Variants in RAP1A observed in about 807,000 individuals in gnomAD.
The protein encoded by RAP1A is RAP1A, member of RAS oncogene family.
A neutral mutation model predicts 26.4 loss-of-function variants in RAP1A; 6 were observed. The observed-to-expected ratio is 0.23, with a 90% CI of 0.12 to 0.45. The LOEUF (loss-of-function observed/expected upper bound fraction) is 0.45, where lower values mean the gene tolerates loss of function less well. RAP1A is among the 20% of genes least tolerant of loss of function. The pLI, the probability that RAP1A is intolerant of heterozygous loss-of-function variation, is 0.99. For missense variants in RAP1A, 121 were observed against 217.2 expected, an observed-to-expected ratio of 0.56 and a Z score of 2.78; for synonymous variants, 73 against 79.4, an observed-to-expected ratio of 0.92 and a Z score of 0.43.
intron 1 of RAP1A, among the ~76,000 whole-genome samples, chr1:111,667,642 A>G (rs1198516015): frequency 1.3e-5 from 2 of 151,762 alleles, no homozygotes; most frequent in Non-Finnish European, 2.9e-5. Context: ...AGATCGCGCC[A>G]TCACACTCCA....
intron 6 of RAP1A, 43 bp downstream of exon 6, chr1:111,704,529 G>T (rs373517315): frequency 1.3e-6 from 2 of 1,533,250 alleles, no homozygotes; most frequent in Non-Finnish European, 8.8e-7. Context: ...TGCCTTTTTA[G>T]TTTGCTTTAA....
Position 111,712,620 on chromosome 1 carries a change from ATTTC to A in RAP1A, c.*221_*224del, listed in dbSNP as rs1662419111. The A allele has an allele frequency of 6.6e-6, 1 of 152,548 alleles. No individual in the cohort carries two copies. The highest frequency in any genetic ancestry group is 2.4e-5 in the African/African-American group (1 of 41,460). 9.4% of individuals were successfully genotyped at this position (152,548 alleles called of 1,614,324 possible). A position where few individuals can be genotyped will look rare whatever the true frequency, so the allele number is the denominator to read the frequency against. On this transcript the variant is annotated 3_prime_UTR_variant, in exon 8 of 8. Transcript: ENST00000369709. Reference sequence around the variant, plus strand: ...ATCTCTTGGAAAATAAGACAATAGTATTTCTCCTTTGCAATAGCAGTTATAACAG... The same window carrying A: ...ATCTCTTGGAAAATAAGACAATAGTATCCTTTGCAATAGCAGTTATAACAG...
At chr1:111,595,846 T>C (rs931536161) in intron 1 of RAP1A, among the ~76,000 whole-genome samples, 4 of 152,204 alleles carry the variant, frequency 2.6e-5, no homozygotes, top group African/African-American at 9.7e-5. Context: ...GAAAATATAG[T>C]TCCCGAGCAT....
At chr1:111,675,426 C>T (rs986898052) in intron 1 of RAP1A, among the ~76,000 whole-genome samples, 1 of 151,996 alleles carries the variant, frequency 6.6e-6, no homozygotes, top group African/African-American at 2.4e-5. Context: ...GAGCCGAGAT[C>T]GCGCCACTGC....
At chr1:111,681,916 G>A (rs191640081) in intron 1 of RAP1A, among the ~76,000 whole-genome samples, 25 of 152,232 alleles carry the variant, frequency 1.6e-4, no homozygotes, top group Non-Finnish European at 1.6e-4. Context: ...AGGTTGAAAC[G>A]AAGGAAAAAA....
intron 5 of RAP1A, 93 bp downstream of exon 5, chr1:111,703,569 G>A: frequency 2.5e-6 from 3 of 1,222,926 alleles, no homozygotes; most frequent in Non-Finnish European, 3.3e-6. Context: ...GGATTTGGAA[G>A]CTATCTACCA....
At chr1:111,708,662 T>C (rs978337729) in intron 6 of RAP1A, among the ~76,000 whole-genome samples, 2 of 152,222 alleles carry the variant, frequency 1.3e-5, no homozygotes, top group African/African-American at 4.8e-5. Flanking sequence ...GCAATAACTA[T>C]AACGTGTTTA....
At chr1:111,663,632 A>T (rs1402074231) in intron 1 of RAP1A, among the ~76,000 whole-genome samples, 2 of 152,198 alleles carry the variant, frequency 1.3e-5, no homozygotes, top group Non-Finnish European at 2.9e-5. Flanking sequence ...CATTTTAAAG[A>T]TTGCTTGGAT....
At chr1:111,557,596 A>C (rs1306163794) in intron 1 of RAP1A, among the ~76,000 whole-genome samples, 2 of 152,066 alleles carry the variant, frequency 1.3e-5, no homozygotes, top group African/African-American at 2.4e-5. Context: ...AAAATTTTGG[A>C]TAATTAAAAA....
chr1:111,661,786 G>A (rs1403060242), intron 1 of RAP1A, among the ~76,000 whole-genome samples: 9 of 139,168 alleles, frequency 6.5e-5, no homozygotes, highest in Non-Finnish European at 9.2e-5. Context: ...GCGACAGAAC[G>A]AAACTCCGTC....
rs41282524 is a variant in RAP1A at position 111,563,955 on chromosome 1, G to A, written c.-28+21446G>A. On this transcript the variant is annotated intron_variant, in intron 1 of 7. Coordinates refer to the RAP1A transcript ENST00000356415. Reference sequence around the variant, plus strand: ...GGTCCTGCTGGAGACCCTTCCATTGGTCCAACTGGTGGTCTCTACCAACTG... The same window carrying A: ...GGTCCTGCTGGAGACCCTTCCATTGATCCAACTGGTGGTCTCTACCAACTG... The A allele has an allele frequency of 4.1e-3, 6,642 of 1,610,584 alleles. 22 individuals carry two copies. Among genetic ancestry groups the A allele is most frequent in the Non-Finnish European group, 4.7e-3 (5,506 of 1,177,286 alleles).
upstream of RAP1A, among the ~76,000 whole-genome samples, chr1:111,615,236 T>C (rs1658993091): frequency 6.6e-6 from 1 of 151,976 alleles, no homozygotes; most frequent in African/African-American, 2.4e-5. Flanking sequence ...GGGGAACTAC[T>C]GATAGTTTTT....
intron 1 of RAP1A, among the ~76,000 whole-genome samples, chr1:111,544,183 AAGTGG>A (rs1342871901): frequency 6.6e-6 from 1 of 152,218 alleles, no homozygotes; most frequent in African/African-American, 2.4e-5. Flanking sequence ...ATAAAATCTA[AAGTGG>A]AGTCACTCAT....
chr1:111,680,946 G>T (rs1321050943), intron 1 of RAP1A, among the ~76,000 whole-genome samples: 1 of 152,194 alleles, frequency 6.6e-6, no homozygotes, highest in Non-Finnish European at 1.5e-5. Flanking sequence ...GGAAAAACCA[G>T]CACAAAAATA....
intron 1 of RAP1A, among the ~76,000 whole-genome samples, chr1:111,551,519 A>G (rs950019172): frequency 6.6e-6 from 1 of 152,168 alleles, no homozygotes; most frequent in African/African-American, 2.4e-5. Context: ...TTGTTCCTAT[A>G]TAGTTCAGTT....
chr1:111,613,711 A>T (rs1425309137), intron 1 of RAP1A, among the ~76,000 whole-genome samples: 2 of 152,220 alleles, frequency 1.3e-5, no homozygotes, highest in African/African-American at 4.8e-5. Flanking sequence ...CGAGGCCACT[A>T]ATCACTTGCT....
intron 1 of RAP1A, among the ~76,000 whole-genome samples, chr1:111,606,545 A>G (rs963260348): frequency 7.2e-5 from 11 of 152,182 alleles, no homozygotes; most frequent in African/African-American, 2.7e-4. Context: ...GCCCAGTAGT[A>G]CCACATCATT....
At chr1:111,651,915 A>G (rs1018200951) in intron 1 of RAP1A, among the ~76,000 whole-genome samples, 9 of 151,566 alleles carry the variant, frequency 5.9e-5, no homozygotes, top group African/African-American at 1.5e-4. Context: ...CCCGGCTCCA[A>G]ATATATGTAT....
chr1:111,639,948 C>G (rs145347272), intron 1 of RAP1A, among the ~76,000 whole-genome samples: 2 of 152,132 alleles, frequency 1.3e-5, no homozygotes, highest in African/African-American at 4.8e-5. Flanking sequence ...GATTTTGTGT[C>G]GAGGTTTACC....
Sources: allele counts gnomAD v4.1 joint callset (sites outside exome capture counted in the v4.1 genomes callset), GRCh38; gene constraint gnomAD v4.1.1; transcripts MANE v1.5; gene names NCBI Gene and HGNC (gene_info 2026-07-23, HGNC 2026-07-21).